Variants in SNAPC3 observed in about 807,000 individuals in gnomAD.
SNAPC3 encodes the protein snRNA-activating protein complex subunit 3.
A neutral mutation model predicts 47.7 loss-of-function variants in SNAPC3; 56 were observed. That is an observed-to-expected ratio of 1.18 (90% CI 0.95 to 1.47). The LOEUF (loss-of-function observed/expected upper bound fraction) is 1.47. SNAPC3 is among the 40% of genes most tolerant of loss of function. The pLI is 0.00. For missense variants in SNAPC3, 665 were observed against 511.3 expected (o/e 1.30, Z -2.90); for synonymous variants, 235 against 189.9 (o/e 1.24, Z -1.95).
At chr9:15,462,038 G>T (rs534587233), downstream of SNAPC3, 1 of 151,934 alleles carries the variant, frequency 6.6e-6, no homozygotes, top group Non-Finnish European at 1.5e-5. Flanking sequence ...TCAATACTGC[G>T]TTCCTTATAG....
intron 8 of SNAPC3, 80 bp from the exon 9 acceptor site, chr9:15,459,639 C>T: frequency 9.4e-7 from 1 of 1,059,226 alleles, no homozygotes; most frequent in South Asian, 1.5e-5. Flanking sequence ...GTTATATTTA[C>T]ATATTGCTAC....
Position 15,423,053 on chromosome 9 carries a change from CG to C in SNAPC3, c.178del (p.Asp60ThrfsTer4). On this transcript the variant is annotated frameshift_variant, in exon 1 of 9. Transcript: ENST00000380821. LOFTEE classifies it high-confidence loss of function. Reference sequence around the variant, plus strand: ...TGTGGCGGGGCCGTCTGCGCGGGGCCGGGGACTTGTCGCTGAGGGAGCCGCC... The same window carrying C: ...TGTGGCGGGGCCGTCTGCGCGGGGCCGGGACTTGTCGCTGAGGGAGCCGCC... The part of the protein sequence containing the change: ...ELWRGRLRGA[G>X]DLSLREPPAS... 1.3e-6 allele frequency: 2 copies of C among 1,517,052 alleles called. No homozygotes were observed. Among genetic ancestry groups the C allele is most frequent in the South Asian group, 1.3e-5 (1 of 78,554 alleles). The allele number at this position is 1,517,052 out of a possible 1,614,324, so 94.0% of individuals were successfully genotyped here. A position where few individuals can be genotyped will look rare whatever the true frequency, so the allele number is the denominator to read the frequency against.
chr9:15,431,814 T>C (rs949497353), intron 2 of SNAPC3: 5 of 150,768 alleles, frequency 3.3e-5, no homozygotes, highest in Non-Finnish European at 7.4e-5. Flanking sequence ...CTAGTTGTAT[T>C]ACGGATGTGT....
downstream of SNAPC3, chr9:15,465,680 GACTGAAACC>G: frequency 2.1e-6 from 2 of 950,900 alleles, no homozygotes; most frequent in Non-Finnish European, 1.6e-6. Flanking sequence ...CCCATGAAAA[GACTGAAACC>G]AACCAAACAA....
chr9:15,461,496 CAGAT>C lies in SNAPC3; in HGVS notation c.*1635_*1638del, dbSNP rs2035219555. 6.6e-6 allele frequency: 1 copy of C among 152,180 alleles called. No homozygotes were observed. The highest frequency in any genetic ancestry group is 6.6e-5 in the Admixed American group (1 of 15,244). The allele number at this position is 152,180 out of a possible 1,614,324, so 9.4% of individuals were successfully genotyped here. ...TTCTTTATTTTCAGGTCTAGACCATCAGATAGATTTATTCAAATATTTTCTGGGA... is the reference window on the plus strand; with the variant it reads ...TTCTTTATTTTCAGGTCTAGACCATCAGATTTATTCAAATATTTTCTGGGA... On this transcript the variant is annotated 3_prime_UTR_variant, in exon 9 of 9. Coordinates refer to ENST00000380821, the MANE Select transcript of SNAPC3 (RefSeq NM_001039697.2).
intron 2 of SNAPC3, among the ~76,000 whole-genome samples, chr9:15,427,301 C>T (rs761398480): frequency 6.6e-6 from 1 of 152,184 alleles, no homozygotes; most frequent in Non-Finnish European, 1.5e-5. Flanking sequence ...GCTGCTAAAA[C>T]TTACTTGTCA....
At chr9:15,424,409 T>C (rs1353607099) in intron 2 of SNAPC3, among the ~76,000 whole-genome samples, 1 of 152,242 alleles carries the variant, frequency 6.6e-6, no homozygotes, top group Non-Finnish European at 1.5e-5. Flanking sequence ...ACCTAAATAC[T>C]CTGACAGTGT....
At chr9:15,441,905 T>G (rs1420477399) in intron 3 of SNAPC3, among the ~76,000 whole-genome samples, 1 of 152,326 alleles carries the variant, frequency 6.6e-6, no homozygotes, top group East Asian at 1.9e-4. Flanking sequence ...AATGAGCTGT[T>G]GGGTACACCT....
chr9:15,444,649 T>G lies in SNAPC3; in HGVS notation c.525T>G (p.Ile175Met). 1 of 1,613,210 alleles carries G rather than the reference T, an allele frequency of 6.2e-7. No individual in the cohort carries two copies. Among genetic ancestry groups the G allele is most frequent in the South Asian group, 1.1e-5 (1 of 91,042 alleles). The change falls in exon 4 of 9, where the codon ATT (isoleucine) becomes ATG (methionine). Residue 175 changes from isoleucine to methionine, a missense_variant. Ile to Met is a conservative substitution (Grantham distance 10). Coordinates refer to ENST00000380821, the MANE Select transcript of SNAPC3 (RefSeq NM_001039697.2). ...GKKPENSADM[I>M]EEGELILSVN... ...AGCCTGAAAATTCAGCAGACATGAT[T>G]GAAGAAGGGGAGCTTATCCTATCTG...
chr9:15,422,886 GA>G lies in SNAPC3; in HGVS notation c.9del (p.Gly4GlufsTer34). 1 of 1,535,584 alleles carries G rather than the reference GA, an allele frequency of 6.5e-7. No individual in the cohort carries two copies. The highest frequency in any genetic ancestry group is 8.8e-7 in the Non-Finnish European group (1 of 1,141,256). On this transcript the variant is annotated frameshift_variant, in exon 1 of 9. Coordinates refer to ENST00000380821, the MANE Select transcript of SNAPC3 (RefSeq NM_001039697.2). LOFTEE classifies it high-confidence loss of function. MA[E>X]GSRGGPTCSG... ...GGGAAGGAGTGGGGCGAACATGGCT[GA>G]AGGAAGCCGAGGTGGCCCTACGTGT...
At chr9:15,423,235 CAG>C (rs780641222) in intron 1 of SNAPC3, 42 bp downstream of exon 1, 7 of 1,524,468 alleles carry the variant, frequency 4.6e-6, no homozygotes, top group African/African-American at 1.4e-5. Context: ...TGGGGTCAAA[CAG>C]GGTGCAGCCT....
At chr9:15,465,520 C>CT (rs1182437254), downstream of SNAPC3, 2 of 1,553,570 alleles carry the variant, frequency 1.3e-6, no homozygotes, top group Non-Finnish European at 1.8e-6. Context: ...GTATGTCAAC[C>CT]TAGTTATCTA....
chr9:15,463,448 G>C (rs1425861592), downstream of SNAPC3: 2 of 123,246 alleles, frequency 1.6e-5, no homozygotes, highest in Non-Finnish European at 3.2e-5. Context: ...ACACATACCA[G>C]CCCAAAAGAG....
chr9:15,449,423 A>T (rs897500312), intron 5 of SNAPC3, among the ~76,000 whole-genome samples: 1 of 151,658 alleles, frequency 6.6e-6, no homozygotes, highest in Non-Finnish European at 1.5e-5. Flanking sequence ...TGGTCTGTAC[A>T]TTGCTGCTGA....
At chr9:15,457,232 T>G (rs1243181300) in intron 7 of SNAPC3, among the ~76,000 whole-genome samples, 1 of 152,176 alleles carries the variant, frequency 6.6e-6, no homozygotes, top group Non-Finnish European at 1.5e-5. Context: ...AAGAGGCACA[T>G]TGTAACAACC....
Position 15,431,707 on chromosome 9 carries a change from C to G in SNAPC3, c.393-1845C>G, listed in dbSNP as rs186890522. Among the ~76,000 whole-genome samples, 55 of 152,138 alleles carry G rather than the reference C, an allele frequency of 3.6e-4. No homozygotes were observed. In the East Asian group the frequency reaches 6.2e-3, roughly 17 times the overall value. Reference sequence around the variant, plus strand: ...GACTCTTAGGATCATAGTAATGTGTCACATATTTTTCACACACCCCAAATG... The same window carrying G: ...GACTCTTAGGATCATAGTAATGTGTGACATATTTTTCACACACCCCAAATG... On this transcript the variant is annotated intron_variant, in intron 2 of 8. Transcript: ENST00000380821.
chr9:15,441,619 A>G (rs1187525391), intron 3 of SNAPC3, among the ~76,000 whole-genome samples: 5 of 151,868 alleles, frequency 3.3e-5, no homozygotes, highest in South Asian at 2.1e-4. Flanking sequence ...GCTGCCTTCA[A>G]GCATCTGTTT....
At chr9:15,430,900 G>A (rs1266060527) in intron 2 of SNAPC3, among the ~76,000 whole-genome samples, 1 of 152,170 alleles carries the variant, frequency 6.6e-6, no homozygotes, top group Non-Finnish European at 1.5e-5. Context: ...AGGTGTGCCA[G>A]GTGTAGTTTA....
At chr9:15,435,162 C>G (rs1036206725) in intron 3 of SNAPC3, among the ~76,000 whole-genome samples, 2 of 152,088 alleles carry the variant, frequency 1.3e-5, no homozygotes, top group Admixed American at 6.6e-5. Flanking sequence ...TCCCTAATAA[C>G]TAGTGATGCT....
Sources: gnomAD v4.1 joint callset for allele counts (sites outside exome capture counted in the v4.1 genomes callset) on GRCh38, gnomAD v4.1.1 for gene constraint, MANE v1.5 for transcripts, NCBI Gene and HGNC (gene_info 2026-07-23, HGNC 2026-07-21) for gene names.